SEC16A: variants seen among roughly 807,000 people sequenced by gnomAD.
SEC16A encodes protein transport protein Sec16A.
A neutral mutation model predicts 221.9 loss-of-function variants in SEC16A; 110 were observed. The observed-to-expected ratio is 0.50, with a 90% CI of 0.42 to 0.58. The LOEUF (loss-of-function observed/expected upper bound fraction) is 0.58. Among genes scored for constraint, SEC16A ranks in the 20% least tolerant of loss-of-function variants. The pLI is 0.00. For missense variants in SEC16A, 3,165 were observed against 3,097.8 expected, an observed-to-expected ratio of 1.02 and a Z score of -0.52; for synonymous variants, 1,393 against 1,257.7, an observed-to-expected ratio of 1.11 and a Z score of -2.28.
chr9:136,448,587 C>T, intron 23 of SEC16A: 1 of 686,134 alleles, frequency 1.5e-6, no homozygotes, highest in Non-Finnish European at 2.7e-6. Flanking sequence ...CATAGAGACA[C>T]CAGGATGGAG....
At chr9:136,465,474 C>A (rs1054938240) in intron 8 of SEC16A, among the ~76,000 whole-genome samples, 3 of 152,150 alleles carry the variant, frequency 2.0e-5, no homozygotes, top group African/African-American at 7.2e-5. Flanking sequence ...AACAAACAAA[C>A]AAAAAAACTC....
Position 136,446,847 on chromosome 9 carries a change from C to T in SEC16A, c.6792+8G>A, listed in dbSNP as rs775775446. On this transcript the variant is annotated splice_region_variant and intron_variant, in intron 28 of 31. Coordinates refer to ENST00000684901, the MANE Select transcript of SEC16A (RefSeq NM_014866.2). ...GTACCTTTCCCCTTTCCCACCGTAC[C>T]CGCTCACCTTGGGCTCTGGGGCAGG... The T allele has an allele frequency of 1.8e-5, 29 of 1,595,690 alleles. No individual in the cohort carries two copies. In the African/African-American group the frequency reaches 3.8e-4, roughly 21 times the overall value.
At chr9:136,451,573 C>T (rs1247379792) in intron 22 of SEC16A, among the ~76,000 whole-genome samples, 165 bp from the exon 23 acceptor site, 1 of 152,112 alleles carries the variant, frequency 6.6e-6, no homozygotes, top group Admixed American at 6.5e-5. Flanking sequence ...AGAGCAGCCC[C>T]CTGACTGGGC....
Position 136,447,089 on chromosome 9 carries a change from C to A in SEC16A, c.6697+138G>T. On this transcript the variant is annotated intron_variant, in intron 27 of 31. Transcript: ENST00000684901. This position sits in a 1 kb window ranked among gnomAD's most constrained non-coding sequence, Gnocchi z 5.5. Reference sequence around the variant, plus strand: ...GAAACAGGCAAATCAAAAAAAAAACCACAAACCAACCCCAGGCTCTCTGCA... The same window carrying A: ...GAAACAGGCAAATCAAAAAAAAAACAACAAACCAACCCCAGGCTCTCTGCA... 6.6e-7 allele frequency: 1 copy of A among 1,516,818 alleles called. No homozygotes were observed. Among genetic ancestry groups the A allele is most frequent in the Non-Finnish European group, 8.8e-7 (1 of 1,133,978 alleles). The allele number at this position is 1,516,818 out of a possible 1,614,324, so 94.0% of individuals were successfully genotyped here. A position where few individuals can be genotyped will look rare whatever the true frequency, so the allele number is the denominator to read the frequency against.
chr9:136,456,361 C>T (rs988666968), intron 18 of SEC16A, among the ~76,000 whole-genome samples, 195 bp from the exon 19 acceptor site: 7 of 152,198 alleles, frequency 4.6e-5, no homozygotes, highest in African/African-American at 1.7e-4. Flanking sequence ...TTGCTGTAGA[C>T]GACCTCTTGG....
In SEC16A at chr9:136,466,376, T is replaced by C. The variant is rs960962720; in HGVS notation, c.4016A>G (p.Tyr1339Cys). The C allele has an allele frequency of 6.9e-6, 11 of 1,598,910 alleles. No individual in the cohort carries two copies. The highest frequency in any genetic ancestry group is 1.3e-5 in the African/African-American group (1 of 74,540). Residue 1339 changes from tyrosine (Y) to cysteine (C), a missense_variant, in exon 7 of 32, where the codon TAT (tyrosine) becomes TGT (cysteine). By Grantham distance (194) the Tyr-to-Cys change is radical. This residue lies in a region of SEC16A where 2,030 missense variants were observed against 1,923.1 expected (regional missense o/e 1.06). Transcript: ENST00000684901. The surrounding 1 kb of genome is among the most constrained non-coding windows in gnomAD (Gnocchi z 5.5). ...GCTGCGCCGGTCCACCTCTTCCCCA[T>C]AAGGGTCTCTGTGCGGATCGGGGTC... ...DDDPDPHRDP[Y>C]GEEVDRRSVH...
Position 136,459,762 on chromosome 9 carries a change from G to T in SEC16A, c.5186C>A (p.Thr1729Asn). ...ESRTMATMGD[T>N]LASRGLLDAA... is the part of the protein sequence containing the mutation. ...CATCTCCACCCCTGACCTACCCAGA[G>T]TGTCGCCCATGGTAGCCATCGTCCT... The change falls in exon 15 of 32, where the codon ACT becomes AAT. Residue 1729 changes from threonine (T) to asparagine (N), a missense_variant. Physicochemically the swap from Thr to Asn is moderately conservative, Grantham distance 65. This residue lies in a region of SEC16A where 1,088 missense variants were observed against 1,089.6 expected (regional missense o/e 1.00). Transcript: ENST00000684901. This position sits in a 1 kb window ranked among gnomAD's most constrained non-coding sequence, Gnocchi z 6.1. 6.2e-7 allele frequency: 1 copy of T among 1,607,962 alleles called. No individual in the cohort carries two copies. The highest frequency in any genetic ancestry group is 8.5e-7 in the Non-Finnish European group (1 of 1,177,272).
rs1012995060 is a variant in SEC16A, at chr9:136,456,444, C to T, written c.5551-278G>A. 3.3e-5 allele frequency among the ~76,000 whole-genome samples: 5 copies of T among 152,280 alleles called. No homozygotes were observed. The East Asian group carries it at 5.8e-4, about 18-fold the overall frequency. ...CTGGCCCGAGACTACCACCTGACCA[C>T]GTGGACCTGACTCAGCAAAAGCTGG... On this transcript the variant is annotated intron_variant, in intron 18 of 31. Coordinates refer to ENST00000684901, the MANE Select transcript of SEC16A (RefSeq NM_014866.2).
At chr9:136,444,907 C>G (rs903400798) in intron 30 of SEC16A, 145 bp downstream of exon 30, 40 of 618,440 alleles carry the variant, frequency 6.5e-5, no homozygotes, top group Middle Eastern at 8.4e-4. Context: ...AAAAAGGAAC[C>G]CTGTACCCTT....
chr9:136,446,984 TC>T, intron 27 of SEC16A, 35 bp from the exon 28 acceptor site: 2 of 1,612,954 alleles, frequency 1.2e-6, no homozygotes, highest in Non-Finnish European at 8.5e-7. Context: ...CATCATTCCG[TC>T]CCGAACGTCC....
In SEC16A at chr9:136,475,181, G is replaced by A; in HGVS notation, c.2435C>T (p.Ala812Val). 6.2e-7 allele frequency: 1 copy of A among 1,613,798 alleles called. No individual in the cohort carries two copies. The highest frequency in any genetic ancestry group is 8.5e-7 in the Non-Finnish European group (1 of 1,179,838). The change falls in exon 3 of 32, where the codon GCA (alanine) becomes GTA (valine). Residue 812 changes from alanine (A) to valine (V), a missense_variant. Ala to Val is a moderately conservative substitution (Grantham distance 64, BLOSUM62 0). Transcript: ENST00000684901. This position sits in a 1 kb window ranked among gnomAD's most constrained non-coding sequence, Gnocchi z 5.0. The part of the protein sequence containing the change: ...ALQSQASSGY[A>V]SLLSSPPTES... Reference sequence around the variant, plus strand: ...AGTGGGCGGTGAGGATAATAAACTTGCATAACCAGAACTCGCCTGGGACTG... The same window carrying A: ...AGTGGGCGGTGAGGATAATAAACTTACATAACCAGAACTCGCCTGGGACTG...
chr9:136,479,629 G>C (rs1036022689), intron 1 of SEC16A, among the ~76,000 whole-genome samples: 6 of 152,148 alleles, frequency 3.9e-5, no homozygotes, highest in Non-Finnish European at 7.4e-5. Flanking sequence ...TGGGATTACA[G>C]GCGTGAGCCA....
rs1427698943 is a variant in SEC16A at position 136,461,219 on chromosome 9, G to A, written c.4949C>T (p.Ala1650Val). 1.2e-6 allele frequency: 2 copies of A among 1,609,460 alleles called. No homozygotes were observed. Among genetic ancestry groups the A allele is most frequent in the Admixed American group, 1.7e-5 (1 of 59,450 alleles). Residue 1650 changes from alanine (A) to valine (V), a missense_variant, in exon 13 of 32, where the codon GCA (alanine) becomes GTA (valine). Transcript: ENST00000684901. ...NGLWGHALLL[A>V]SKMDSRTHAR... ...GTGTGTCCGGCTGTCCATCTTACTT[G>A]CAAGTAGCAGAGCGTGACCCCACAG...
chr9:136,456,288 A>G (rs942655560), intron 18 of SEC16A, 122 bp from the exon 19 acceptor site: 14 of 684,058 alleles, frequency 2.0e-5, no homozygotes, highest in South Asian at 6.9e-5. Flanking sequence ...TTAGCTGCCT[A>G]TATGTTTCTA....
At chr9:136,480,909 AG>A (rs1842239729) in intron 1 of SEC16A, among the ~76,000 whole-genome samples, 1 of 151,742 alleles carries the variant, frequency 6.6e-6, no homozygotes, top group Admixed American at 6.6e-5. Context: ...ATTATTCCGC[AG>A]CTCTCCTAGA....
At position 136,453,467 on chromosome 9, in the gene SEC16A, C is replaced by G. The variant is rs1588902664; in HGVS notation, c.6120G>C (p.Glu2040Asp). 6.2e-7 allele frequency: 1 copy of G among 1,613,494 alleles called. No homozygotes were observed. Among genetic ancestry groups the G allele is most frequent in the Non-Finnish European group, 8.5e-7 (1 of 1,179,468 alleles). Residue 2040 changes from glutamate (E) to aspartate (D), a missense_variant, in exon 22 of 32, where the codon GAG becomes GAC. By Grantham distance (45) the Glu-to-Asp change is conservative (BLOSUM62 2). Around this residue, in one of 3 missense-constraint regions of SEC16A, gnomAD observed 1,088 missense variants for 1,089.6 expected, o/e 1.00. Transcript: ENST00000684901. Reference protein sequence around the residue: ...QEAPVGNSLSELSEENFDGKF... With the variant: ...QEAPVGNSLSDLSEENFDGKF... The stretch of plus-strand genomic sequence containing the variant: ...TTCCATCAAAATTTTCTTCGCTTAG[C>G]TCGGAAAGTGAGTTTCCAACAGGCG...
Position 136,476,885 on chromosome 9 carries a change from G to A in SEC16A, c.731C>T (p.Ala244Val). Reference sequence around the variant, plus strand: ...GGTGGGGAAATGAGGAACGCTGGTGGCACAGGGCACCCCGCTGGGAACAGG... The same window carrying A: ...GGTGGGGAAATGAGGAACGCTGGTGACACAGGGCACCCCGCTGGGAACAGG... The part of the protein sequence containing the change: ...EGPVPSGVPC[A>V]TSVPHFPTPS... Residue 244 changes from alanine (A) to valine (V), a missense_variant, in exon 3 of 32, where the codon GCC becomes GTC. Ala to Val is a moderately conservative substitution (Grantham distance 64). Transcript: ENST00000684901. The A allele has an allele frequency of 6.2e-7, 1 of 1,611,680 alleles. No homozygotes were observed. Among genetic ancestry groups the A allele is most frequent in the Non-Finnish European group, 8.5e-7 (1 of 1,179,530 alleles).
Position 136,443,842 on chromosome 9 carries a change from T to G in SEC16A, c.6986A>C (p.Asn2329Thr). ...ACTCACCTGTGCCAGCTGAGCAGGG[T>G]TGTAGAAGGGCATGGCCCCGCTGGG... The part of the protein sequence containing the change: ...GPPSGAMPFY[N>T]PAQLAQACAT... Residue 2329 changes from asparagine (N) to threonine (T), a missense_variant, in exon 31 of 32, where the codon AAC becomes ACC. This residue lies in a region of SEC16A where 1,088 missense variants were observed against 1,089.6 expected (regional missense o/e 1.00). Coordinates refer to ENST00000684901, the MANE Select transcript of SEC16A (RefSeq NM_014866.2). 1 of 1,612,110 alleles carries G rather than the reference T, an allele frequency of 6.2e-7. No individual in the cohort carries two copies. Among genetic ancestry groups the G allele is most frequent in the South Asian group, 1.1e-5 (1 of 90,772 alleles).
intron 3 of SEC16A, among the ~76,000 whole-genome samples, chr9:136,473,603 T>C (rs1339148370): frequency 3.9e-5 from 6 of 152,254 alleles, no homozygotes; most frequent in Non-Finnish European, 8.8e-5. Context: ...CTCTCCATGT[T>C]TTTATTCTCC....
Sources: gnomAD v4.1 joint callset for allele counts (sites outside exome capture counted in the v4.1 genomes callset) on GRCh38, gnomAD v4.1.1 for gene constraint, gnomAD v4.1.1 regional missense constraint, Gnocchi (gnomAD v3.1) non-coding constraint, MANE v1.5 for transcripts, NCBI Gene and HGNC (gene_info 2026-07-23, HGNC 2026-07-21) for gene names.